The following SUMF1 variants were observed in gnomAD, a reference collection of about 807,000 sequenced individuals.
SUMF1 encodes the protein sulfatase modifying factor 1, also known as formylglycine-generating enzyme.
SUMF1 carries 48 observed loss-of-function variants against 47.6 expected under a neutral mutation model. The ratio of observed to expected loss-of-function variants is 1.01; its 90% CI spans 0.80 to 1.28. The LOEUF is 1.28. SUMF1 is among the 50% of genes most tolerant of loss of function. The probability of loss-of-function intolerance (pLI) is 0.00; values close to 1 mark genes in which losing one functional copy is unlikely to be tolerated. For synonymous variants in SUMF1, 230 were observed against 192.1 expected (o/e 1.20, Z -1.63); for missense variants, 571 against 485.4 (o/e 1.18, Z -1.66).
intron 9 of SUMF1, among the ~76,000 whole-genome samples, chr3:4,051,981 T>A (rs1695120949): frequency 6.6e-6 from 1 of 152,124 alleles, no homozygotes; most frequent in East Asian, 1.9e-4. Context: ...ATGGTTTTGG[T>A]TCTCTGTCTT....
At chr3:4,187,368 A>T (rs945480519) in intron 8 of SUMF1, among the ~76,000 whole-genome samples, 2 of 152,170 alleles carry the variant, frequency 1.3e-5, no homozygotes, top group Admixed American at 1.3e-4. Context: ...GACCCTGTCT[A>T]TAAAAAAAAG....
intron 3 of SUMF1, among the ~76,000 whole-genome samples, chr3:4,422,593 A>G (rs2125049483): frequency 6.6e-6 from 1 of 151,980 alleles, no homozygotes; most frequent in East Asian, 1.9e-4. Flanking sequence ...GCTTCTATCA[A>G]TATTCTTAAA....
At chr3:4,167,220 G>C (rs962402562) in intron 8 of SUMF1, among the ~76,000 whole-genome samples, 1 of 152,032 alleles carries the variant, frequency 6.6e-6, no homozygotes, top group Admixed American at 6.5e-5. Context: ...TTATTGTGAA[G>C]AGCGAAAGAA....
At chr3:4,163,910 GC>G (rs1294084048) in intron 8 of SUMF1, among the ~76,000 whole-genome samples, 1 of 152,038 alleles carries the variant, frequency 6.6e-6, no homozygotes, top group Non-Finnish European at 1.5e-5. Context: ...CTACAGCCCT[GC>G]CCTGGAACAC....
At chr3:4,142,046 T>C (rs2125097316) in intron 8 of SUMF1, among the ~76,000 whole-genome samples, 1 of 152,298 alleles carries the variant, frequency 6.6e-6, no homozygotes, top group South Asian at 2.1e-4. Flanking sequence ...ATGATTTTGA[T>C]ATGTATTAAA....
chr3:4,417,393 C>G (rs1701749334), intron 5 of SUMF1, 151 bp from the exon 6 acceptor site: 1 of 588,078 alleles, frequency 1.7e-6, no homozygotes, highest in African/African-American at 1.9e-5. Context: ...AGCTTTTAAT[C>G]AGGATTTATT....
rs1287839869 is a variant in SUMF1 at position 4,162,916 on chromosome 3, A to AAT, written c.1015-94172_1015-94171insAT. Among the ~76,000 whole-genome samples, 3 of 151,546 alleles carry AAT rather than the reference A, an allele frequency of 2.0e-5. No homozygotes were observed. The East Asian group carries it at 5.9e-4, about 30-fold the overall frequency. ...CTGTGCCTCCCTCATAAAAAAAAAA[A>AAT]GGTTTTGAAAGTAATGAAAGAAAAA... On this transcript the variant is annotated intron_variant and NMD_transcript_variant, in intron 8 of 12. Transcript: ENST00000448413.
rs7625677 is a variant in SUMF1, at chr3:4,112,588, C to G, written c.1015-43843G>C. Among the ~76,000 whole-genome samples the G allele has an allele frequency of 7.0e-3, 1,071 of 152,128 alleles. 27 individuals carry two copies. Among genetic ancestry groups the G allele is most frequent in the African/African-American group, 0.024 (1,013 of 41,472 alleles). On this transcript the variant is annotated intron_variant and NMD_transcript_variant, in intron 8 of 12. Coordinates refer to the SUMF1 transcript ENST00000448413. ...GACCATCATAAAGATGAATGAGACC[C>G]ATATCAAGTTAAAGTACTTCATGAA...
intron 3 of SUMF1, among the ~76,000 whole-genome samples, chr3:4,448,558 T>C (rs1452063327): frequency 6.6e-6 from 1 of 152,180 alleles, no homozygotes; most frequent in East Asian, 1.9e-4. Flanking sequence ...ACTCCTTCCC[T>C]TGTTCTTATA....
At chr3:4,041,834 C>T (rs1033901945) in intron 9 of SUMF1, among the ~76,000 whole-genome samples, 1 of 152,112 alleles carries the variant, frequency 6.6e-6, no homozygotes, top group Non-Finnish European at 1.5e-5. Context: ...GTTATGAAAA[C>T]CGGCAGCACA....
chr3:4,239,682 G>A (rs532254163), intron 8 of SUMF1, among the ~76,000 whole-genome samples: 1 of 152,186 alleles, frequency 6.6e-6, no homozygotes, highest in African/African-American at 2.4e-5. Flanking sequence ...TGAGATGATG[G>A]GGTTTTGTAA....
intron 8 of SUMF1, among the ~76,000 whole-genome samples, chr3:4,106,974 A>G (rs920035492): frequency 6.6e-6 from 1 of 152,052 alleles, no homozygotes; most frequent in South Asian, 2.1e-4. Context: ...AAAAATTCAG[A>G]TATTTCTCCA....
intron 8 of SUMF1, among the ~76,000 whole-genome samples, chr3:4,146,778 C>T (rs1694203459): frequency 6.7e-6 from 1 of 148,550 alleles, no homozygotes; most frequent in South Asian, 2.1e-4. Context: ...TGAGTGAGAA[C>T]ATGCAGTGTT....
At chr3:4,094,604 C>G (rs1574877120) in intron 8 of SUMF1, among the ~76,000 whole-genome samples, 2 of 152,072 alleles carry the variant, frequency 1.3e-5, no homozygotes, top group Non-Finnish European at 1.5e-5. Flanking sequence ...TGCCTTTTGT[C>G]AAGCATAATT....
chr3:4,238,117 T>C (rs1412368562), intron 8 of SUMF1, among the ~76,000 whole-genome samples: 1 of 152,200 alleles, frequency 6.6e-6, no homozygotes, highest in African/African-American at 2.4e-5. Flanking sequence ...AACTCATCCT[T>C]TTTATGGCTG....
At chr3:4,091,449 T>C (rs1056168394) in intron 8 of SUMF1, among the ~76,000 whole-genome samples, 4 of 152,164 alleles carry the variant, frequency 2.6e-5, no homozygotes, top group African/African-American at 9.7e-5. Flanking sequence ...AGGAATTGAA[T>C]GTACCTTTAA....
rs1210894616 is a variant in SUMF1, at chr3:4,211,199, CATACATAT to C, written c.1015-142462_1015-142455del. The stretch of plus-strand genomic sequence containing the variant: ...ATATATATACATATACATATACATA[CATACATAT>C]ATATATATATATATATATATCCTAT... On this transcript the variant is annotated intron_variant and NMD_transcript_variant, in intron 8 of 12. Coordinates refer to the SUMF1 transcript ENST00000448413. 4.1e-3 allele frequency among the ~76,000 whole-genome samples: 352 copies of C among 85,036 alleles called. 18 individuals carry two copies. Among genetic ancestry groups the C allele is most frequent in the Admixed American group, 8.3e-3 (63 of 7,554 alleles). 55.8% of individuals were successfully genotyped at this position (85,036 alleles called of 152,430 possible).
intron 8 of SUMF1, among the ~76,000 whole-genome samples, chr3:4,326,522 G>GTTTTT (rs35648890): frequency 7.8e-5 from 10 of 128,680 alleles, no homozygotes; most frequent in Non-Finnish European, 1.3e-4. Context: ...TTTTCCAAGG[G>GTTTTT]TTTTTTTTTT....
chr3:4,467,134 CG>C lies in SUMF1; in HGVS notation c.111del (p.Thr39ProfsTer70). 6.4e-7 allele frequency: 1 copy of C among 1,569,000 alleles called. No homozygotes were observed. Among genetic ancestry groups the C allele is most frequent in the Non-Finnish European group, 8.6e-7 (1 of 1,158,612 alleles). ...LLCGAAGSQE[A>X]GTGAGAGSLA... ...AGGGACCCCGCGCCCGCACCGGTCC[CG>C]GCCTCCTGGCTCCCTGCCGCTCCAC... On this transcript the variant is annotated frameshift_variant, in exon 1 of 9. Transcript: ENST00000272902. LOFTEE classifies it high-confidence loss of function.
Sources: allele counts gnomAD v4.1 joint callset (sites outside exome capture counted in the v4.1 genomes callset), GRCh38; gene constraint gnomAD v4.1.1; transcripts MANE v1.5; gene names NCBI Gene and HGNC (gene_info 2026-07-23, HGNC 2026-07-21).